The following GRIK3 variants were observed in gnomAD, a reference collection of about 807,000 sequenced individuals.
GRIK3 encodes glutamate receptor ionotropic, kainate 3.
Under a neutral mutation model 102.5 loss-of-function variants are expected in GRIK3, and 29 were observed. The ratio of observed to expected loss-of-function variants is 0.28; its 90% confidence interval spans 0.21 to 0.39. The LOEUF is 0.39. GRIK3 is among the 10% of genes least tolerant of loss of function. GRIK3 has a pLI of 1.00. For missense variants in GRIK3, 908 were observed against 1,252.4 expected (o/e 0.73, Z 4.15); for synonymous variants, 511 against 504.9 (o/e 1.01, Z -0.16).
chr1:36,985,804 A>G (rs569912100), intron 1 of GRIK3, among the ~76,000 whole-genome samples: 1 of 152,256 alleles, frequency 6.6e-6, no homozygotes, highest in Non-Finnish European at 1.5e-5. Flanking sequence ...CCTGCCACAG[A>G]GTTGTGTGTG....
intron 10 of GRIK3, among the ~76,000 whole-genome samples, chr1:36,837,025 C>T (rs1241697916): frequency 1.3e-5 from 2 of 151,984 alleles, no homozygotes; most frequent in African/African-American, 4.8e-5. Context: ...CCTCCTTCAC[C>T]CCATGCTCTC....
intron 7 of GRIK3, among the ~76,000 whole-genome samples, chr1:36,855,892 A>G (rs368376629): frequency 6.6e-6 from 1 of 152,208 alleles, no homozygotes; most frequent in African/African-American, 2.4e-5. Flanking sequence ...CATTGCCCCC[A>G]TTTTGCAGAT....
At chr1:36,929,097 G>A (rs907953898) in intron 1 of GRIK3, among the ~76,000 whole-genome samples, 1 of 152,114 alleles carries the variant, frequency 6.6e-6, no homozygotes, top group African/African-American at 2.4e-5. Flanking sequence ...GTCATAGAGG[G>A]GTGAAGAAAC....
At chr1:36,836,687 ACTT>A (rs1163107114) in intron 10 of GRIK3, among the ~76,000 whole-genome samples, 1 of 152,094 alleles carries the variant, frequency 6.6e-6, no homozygotes, top group African/African-American at 2.4e-5. Flanking sequence ...GGCAGGGAAA[ACTT>A]CTTATCTGGC....
chr1:37,006,734 C>A (rs758854916), intron 1 of GRIK3, among the ~76,000 whole-genome samples: 3 of 152,232 alleles, frequency 2.0e-5, no homozygotes, highest in Non-Finnish European at 2.9e-5. Context: ...GGAGGTGGGG[C>A]AATCAAGACC....
intron 1 of GRIK3, among the ~76,000 whole-genome samples, chr1:37,019,631 C>T (rs1249396461): frequency 6.6e-6 from 1 of 152,168 alleles, no homozygotes; most frequent in Non-Finnish European, 1.5e-5. Flanking sequence ...CCCGCAAATC[C>T]CCTGACCCTA....
rs1642864161 is a variant in GRIK3 at position 37,034,332 on chromosome 1, G to T, written c.-224C>A. On this transcript the variant is annotated 5_prime_UTR_variant, in exon 1 of 16. Coordinates refer to ENST00000373091, the MANE Select transcript of GRIK3 (RefSeq NM_000831.4). The stretch of plus-strand genomic sequence containing the variant: ...CCTGGCTGCCGCCCACGGGCTGCCC[G>T]CGAGCGAGGCTCCTGGGCTCCGCCC... Among the ~76,000 whole-genome samples, 1 of 150,138 alleles carries T rather than the reference G, an allele frequency of 6.7e-6. No homozygotes were observed. The highest frequency in any genetic ancestry group is 6.6e-5 in the Admixed American group (1 of 15,108).
intron 1 of GRIK3, among the ~76,000 whole-genome samples, chr1:36,938,626 T>C (rs1020024903): frequency 6.6e-6 from 1 of 151,720 alleles, no homozygotes; most frequent in Non-Finnish European, 1.5e-5. Flanking sequence ...GCTCAAACCA[T>C]CCCCCAGCAG....
chr1:36,913,119 G>C (rs1641363873), intron 1 of GRIK3, among the ~76,000 whole-genome samples: 1 of 152,162 alleles, frequency 6.6e-6, no homozygotes, highest in Non-Finnish European at 1.5e-5. Context: ...CATGTGCCTG[G>C]CATGAGTAGG....
chr1:36,945,655 T>C (rs747561016), intron 1 of GRIK3, among the ~76,000 whole-genome samples: 2 of 152,124 alleles, frequency 1.3e-5, no homozygotes, highest in Non-Finnish European at 2.9e-5. Flanking sequence ...TAACCAATAT[T>C]CTCCAGCACC....
chr1:36,905,736 T>A (rs1557720368), intron 1 of GRIK3, among the ~76,000 whole-genome samples: 2 of 152,196 alleles, frequency 1.3e-5, no homozygotes, highest in African/African-American at 2.4e-5. Flanking sequence ...GTTTTCTTGA[T>A]TTTTCCAAAA....
chr1:36,967,675 C>A (rs1642094892), intron 1 of GRIK3, among the ~76,000 whole-genome samples: 1 of 152,314 alleles, frequency 6.6e-6, no homozygotes, highest in Admixed American at 6.5e-5. Flanking sequence ...AGGTAAATGA[C>A]AAGAGGTGAA....
intron 1 of GRIK3, among the ~76,000 whole-genome samples, chr1:36,953,057 G>A (rs1469783659): frequency 6.6e-6 from 1 of 152,244 alleles, no homozygotes. Flanking sequence ...GGGAGGAGGA[G>A]GAAGAGACTG....
intron 1 of GRIK3, among the ~76,000 whole-genome samples, chr1:36,991,692 T>C (rs1167041588): frequency 1.3e-5 from 2 of 152,200 alleles, no homozygotes; most frequent in Non-Finnish European, 2.9e-5. Flanking sequence ...AACTCCAAGA[T>C]CCCTGAGGGC....
chr1:36,898,920 A>G (rs1302754627), intron 1 of GRIK3, among the ~76,000 whole-genome samples: 1 of 152,202 alleles, frequency 6.6e-6, no homozygotes, highest in Non-Finnish European at 1.5e-5. Flanking sequence ...TGCTAAGACT[A>G]CTGAATGGGG....
At chr1:37,029,152 G>T (rs1642794163) in intron 1 of GRIK3, among the ~76,000 whole-genome samples, 1 of 151,848 alleles carries the variant, frequency 6.6e-6, no homozygotes, top group East Asian at 1.9e-4. Context: ...GCGATTCCAG[G>T]AATCAAGCCC....
At chr1:36,998,791 G>A (rs993365188) in intron 1 of GRIK3, among the ~76,000 whole-genome samples, 9 of 152,144 alleles carry the variant, frequency 5.9e-5, no homozygotes, top group African/African-American at 2.2e-4. Flanking sequence ...ATTTCAGTTT[G>A]AGGCAGTAAG....
chr1:36,971,237 TTC>T (rs967337329), intron 1 of GRIK3, among the ~76,000 whole-genome samples: 31 of 152,326 alleles, frequency 2.0e-4, no homozygotes, highest in Admixed American at 1.9e-3. Context: ...CTCATCATCC[TTC>T]TGACTCCAGG....
chr1:36,843,389 T>C (rs1446321140), intron 9 of GRIK3, among the ~76,000 whole-genome samples: 1 of 152,224 alleles, frequency 6.6e-6, no homozygotes, highest in Admixed American at 6.5e-5. Context: ...TGTCACAGAC[T>C]GTTTGACTTA....
Sources: allele counts gnomAD v4.1 joint callset (sites outside exome capture counted in the v4.1 genomes callset), GRCh38; gene constraint gnomAD v4.1.1; transcripts MANE v1.5; gene names NCBI Gene and HGNC (gene_info 2026-07-23, HGNC 2026-07-21).